The following CCDC186 variants were observed in gnomAD, a reference collection of about 807,000 sequenced individuals.
The protein encoded by CCDC186 is coiled-coil domain-containing protein 186.
Under a neutral mutation model 113.7 loss-of-function variants are expected in CCDC186, and 49 were observed. The observed-to-expected ratio is 0.43, with a 90% CI of 0.34 to 0.55. CCDC186 has a LOEUF of 0.55. CCDC186 is among the 20% of genes least tolerant of loss of function. The pLI, the probability that CCDC186 is intolerant of heterozygous loss-of-function variation, is 0.02. For synonymous variants in CCDC186, 355 were observed against 345.8 expected (o/e 1.03, Z -0.30); for missense variants, 890 against 1,011.1 (o/e 0.88, Z 1.62).
chr10:114,144,051 A>G (rs1474591296), intron 6 of CCDC186, among the ~76,000 whole-genome samples: 1 of 151,996 alleles, frequency 6.6e-6, no homozygotes, highest in Non-Finnish European at 1.5e-5. Flanking sequence ...ATTATATTTA[A>G]ATAAGAATGT....
At position 114,125,209 on chromosome 10, in the gene CCDC186, A is replaced by G; in HGVS notation, c.2631T>C (p.Leu877=). Residue 877 remains leucine, a synonymous_variant, in exon 16 of 16, where the codon CTT becomes CTC. Coordinates refer to ENST00000369287, the MANE Select transcript of CCDC186 (RefSeq NM_018017.4). ...TAATAAGACGTTCTATTTCTGTTCC[A>G]AGTGTTTGTAGATTTTCCTTTAATA... ...NITLKENLQT[L]GTEIERLIKH... is the part of the protein sequence containing the mutation. 1 of 1,610,770 alleles carries G rather than the reference A, an allele frequency of 6.2e-7. No homozygotes were observed. The highest frequency in any genetic ancestry group is 2.2e-5 in the East Asian group (1 of 44,642).
At chr10:114,173,257 C>T (rs747542823) in intron 1 of CCDC186, 4 of 453,774 alleles carry the variant, frequency 8.8e-6, no homozygotes, top group Non-Finnish European at 1.8e-5. Context: ...AAATCCAGGA[C>T]TTTTTCCTCT....
chr10:114,127,004 G>C (rs928190602), intron 14 of CCDC186, among the ~76,000 whole-genome samples: 1 of 152,038 alleles, frequency 6.6e-6, no homozygotes, highest in Non-Finnish European at 1.5e-5. Flanking sequence ...CAAAATTAGA[G>C]AACTCACGCA....
chr10:114,157,246 C>T (rs1263536246), intron 3 of CCDC186, among the ~76,000 whole-genome samples: 10 of 147,966 alleles, frequency 6.8e-5, no homozygotes, highest in African/African-American at 2.0e-4. Flanking sequence ...TACAGTGGCA[C>T]GATCTCAGCT....
intron 12 of CCDC186, chr10:114,130,554 G>A (rs553527351): frequency 3.9e-5 from 6 of 152,264 alleles, no homozygotes; most frequent in African/African-American, 1.2e-4. Context: ...TGTTATGTCT[G>A]GGTAATTTAT....
At chr10:114,173,224 T>A (rs2032567375) in intron 1 of CCDC186, 1 of 455,734 alleles carries the variant, frequency 2.2e-6, no homozygotes, top group African/African-American at 2.0e-5. Flanking sequence ...GAAGTAGGAT[T>A]CTAATCCAGA....
intron 6 of CCDC186, among the ~76,000 whole-genome samples, chr10:114,143,528 T>C (rs1179697394): frequency 6.6e-6 from 1 of 152,218 alleles, no homozygotes; most frequent in African/African-American, 2.4e-5. Flanking sequence ...TGAAAATTCT[T>C]TCTCTGCCTT....
chr10:114,134,814 T>C (rs1445439158), intron 10 of CCDC186, 99 bp downstream of exon 10: 5 of 1,360,754 alleles, frequency 3.7e-6, no homozygotes, highest in South Asian at 1.4e-5. Flanking sequence ...AGTAAAATTG[T>C]AAAATTTTTT....
Position 114,163,304 on chromosome 10 carries a change from A to G in CCDC186, c.-36T>C. On this transcript the variant is annotated 5_prime_UTR_variant, in exon 2 of 16. Coordinates refer to ENST00000369287, the MANE Select transcript of CCDC186 (RefSeq NM_018017.4). ...ACCAATTCACTTTGTAATTCTTCAAATCTGCTCCTGATCTTCGTTTTACAT... is the reference window on the plus strand; with the variant it reads ...ACCAATTCACTTTGTAATTCTTCAAGTCTGCTCCTGATCTTCGTTTTACAT... 6.4e-7 allele frequency: 1 copy of G among 1,571,594 alleles called. No individual in the cohort carries two copies. Among genetic ancestry groups the G allele is most frequent in the East Asian group, 2.2e-5 (1 of 44,600 alleles).
chr10:114,154,687 T>G (rs576722681), intron 3 of CCDC186, among the ~76,000 whole-genome samples: 34 of 152,276 alleles, frequency 2.2e-4, no homozygotes, highest in Non-Finnish European at 3.8e-4. Context: ...AAAGTAACAC[T>G]TCCCAACTCA....
chr10:114,149,814 A>C lies in CCDC186; in HGVS notation c.888+1278T>G, dbSNP rs1300982401. On this transcript the variant is annotated intron_variant, in intron 4 of 15. Transcript: ENST00000369287. ...GAAGGAAGGAAGGAAGGAAGGAAGG[A>C]AGGCAGGAAGGCAGGAAGGCAGGAA... Among the ~76,000 whole-genome samples, 264 of 53,818 alleles carry C rather than the reference A, an allele frequency of 4.9e-3. 2 individuals are homozygous for C. Among genetic ancestry groups the C allele is most frequent in the African/African-American group, 0.02 (242 of 12,144 alleles). 35.3% of individuals were successfully genotyped at this position (53,818 alleles called of 152,430 possible).
At chr10:114,149,754 CAGGAAGGAAGGAAGGAAGGA>C (rs1182536298) in intron 4 of CCDC186, among the ~76,000 whole-genome samples, 1 of 60,592 alleles carries the variant, frequency 1.7e-5, no homozygotes, top group Admixed American at 1.6e-4. Context: ...GGCAGGAAGG[CAGGAAGGAAGGAAGGAAGGA>C]AGGCAGGAAG....
intron 14 of CCDC186, among the ~76,000 whole-genome samples, chr10:114,126,646 T>C (rs987223102): frequency 3.9e-5 from 6 of 152,206 alleles, no homozygotes; most frequent in Non-Finnish European, 7.4e-5. Context: ...TGAGACACCA[T>C]ACCTAGCTGA....
In CCDC186 at chr10:114,131,910, A is replaced by G; in HGVS notation, c.1911+19T>C. The G allele has an allele frequency of 1.3e-6, 2 of 1,574,498 alleles. No homozygotes were observed. The highest frequency in any genetic ancestry group is 1.7e-6 in the Non-Finnish European group (2 of 1,159,352). On this transcript the variant is annotated intron_variant, in intron 11 of 15. Transcript: ENST00000369287. ...GTGCTTGTTACGTTGTTTTAAAAAA[A>G]ATGTAAATTTATACTTACCAAATTA...
intron 2 of CCDC186, 138 bp downstream of exon 2, chr10:114,162,496 CATT>C: frequency 3.3e-6 from 2 of 606,748 alleles, no homozygotes; most frequent in South Asian, 5.5e-5. Context: ...AGCAACTATA[CATT>C]TATTGTTCAA....
intron 3 of CCDC186, among the ~76,000 whole-genome samples, chr10:114,156,757 A>G (rs1316662709): frequency 1.3e-5 from 2 of 152,202 alleles, no homozygotes; most frequent in Non-Finnish European, 2.9e-5. Flanking sequence ...AATTAAAAAA[A>G]AGAAGGAAAA....
In CCDC186 at chr10:114,121,999, A is replaced by G. The variant is rs1463295106; in HGVS notation, c.*3144T>C. 6.6e-6 allele frequency: 1 copy of G among 152,192 alleles called. No individual in the cohort carries two copies. Among genetic ancestry groups the G allele is most frequent in the East Asian group, 1.9e-4 (1 of 5,202 alleles). 9.4% of individuals were successfully genotyped at this position (152,192 alleles called of 1,614,324 possible). On this transcript the variant is annotated 3_prime_UTR_variant, in exon 16 of 16. Coordinates refer to ENST00000369287, the MANE Select transcript of CCDC186 (RefSeq NM_018017.4). ...GCTAATTTTTTAATCTTTTGTACACATGGGGTTTTGCCATGTTGCCCTGGC... is the reference window on the plus strand; with the variant it reads ...GCTAATTTTTTAATCTTTTGTACACGTGGGGTTTTGCCATGTTGCCCTGGC...
chr10:114,133,568 C>T (rs2031161485), intron 10 of CCDC186, among the ~76,000 whole-genome samples: 1 of 152,066 alleles, frequency 6.6e-6, no homozygotes, highest in African/African-American at 2.4e-5. Context: ...GAAAGAGAAG[C>T]CTGCCAAGGA....
intron 3 of CCDC186, among the ~76,000 whole-genome samples, chr10:114,156,773 G>A (rs547994000): frequency 1.3e-5 from 2 of 151,972 alleles, no homozygotes; most frequent in Non-Finnish European, 2.9e-5. Flanking sequence ...GAAAAGGACA[G>A]GCTAGGAAAG....
Sources: gnomAD v4.1 joint callset for allele counts (sites outside exome capture counted in the v4.1 genomes callset) on GRCh38, gnomAD v4.1.1 for gene constraint, MANE v1.5 for transcripts, NCBI Gene and HGNC (gene_info 2026-07-23, HGNC 2026-07-21) for gene names.